SEMA3D: variants seen among roughly 807,000 people sequenced by gnomAD.
The protein encoded by SEMA3D is semaphorin 3D, also known as semaphorin-3D.
SEMA3D carries 84 observed loss-of-function variants against 100.1 expected under a neutral mutation model. The ratio of observed to expected loss-of-function variants is 0.84; its 90% CI spans 0.70 to 1.01. SEMA3D has a LOEUF of 1.01. Ranked by LOEUF, SEMA3D falls within the 50% of genes least tolerant of loss-of-function variation. SEMA3D has a pLI of 0.00. For missense variants in SEMA3D, 875 were observed against 934.1 expected (o/e 0.94, Z 0.82); for synonymous variants, 312 against 320.7 (o/e 0.97, Z 0.29).
At chr7:85,234,682 G>C in the SEMA3D span, among the ~76,000 whole-genome samples, 2 of 152,164 alleles carry the variant, frequency 1.3e-5, no homozygotes, top group Non-Finnish European at 2.9e-5. Flanking sequence ...GATATCCAGT[G>C]TAAAATTAGT....
Position 84,996,308 on chromosome 7 carries a change from A to T in SEMA3D, c.*3132T>A, listed in dbSNP as rs116408097. 4.4e-3 allele frequency: 662 copies of T among 152,150 alleles called. 5 individuals carry two copies. The highest frequency in any genetic ancestry group is 0.015 in the African/African-American group (633 of 41,572). The allele number at this position is 152,150 out of a possible 1,614,324, so 9.4% of individuals were successfully genotyped here. The stretch of plus-strand genomic sequence containing the variant: ...AACAAAACATACTAGAATATGAAGA[A>T]CCAAAATATGAACCAAAAGCAAAAT... On this transcript the variant is annotated 3_prime_UTR_variant, in exon 19 of 19. Transcript: ENST00000284136.
chr7:85,016,223 T>C (rs1790096033), intron 15 of SEMA3D, among the ~76,000 whole-genome samples: 1 of 150,676 alleles, frequency 6.6e-6, no homozygotes. Flanking sequence ...TCATTTCGGA[T>C]TAAGACATTT....
chr7:85,159,981 G>T, intron 1 of SEMA3D: 1 of 983,590 alleles, frequency 1.0e-6, no homozygotes, highest in Non-Finnish European at 1.2e-6. Context: ...TACTCCAGAG[G>T]TATCATATCT....
chr7:84,995,947 T>C lies in SEMA3D; in HGVS notation c.*3493A>G. 6.6e-6 allele frequency: 1 copy of C among 151,912 alleles called. No homozygotes were observed. The highest frequency in any genetic ancestry group is 2.4e-5 in the African/African-American group (1 of 41,418). 9.4% of individuals were successfully genotyped at this position (151,912 alleles called of 1,614,324 possible). A position where few individuals can be genotyped will look rare whatever the true frequency, so the allele number is the denominator to read the frequency against. ...TTGTGATCATTTACTATGATAAAAA[T>C]ACATCTCCTATAAAAACACTTCAAA... On this transcript the variant is annotated 3_prime_UTR_variant, in exon 19 of 19. Transcript: ENST00000284136.
chr7:85,018,437 C>T (rs1326616710), intron 14 of SEMA3D, 144 bp from the exon 15 acceptor site: 9 of 597,480 alleles, frequency 1.5e-5, no homozygotes, highest in Admixed American at 3.2e-5. Context: ...TTATTGTTTG[C>T]TATTTTCTTC....
the SEMA3D span, among the ~76,000 whole-genome samples, chr7:85,249,794 T>G: frequency 3.3e-5 from 5 of 152,158 alleles, no homozygotes; most frequent in African/African-American, 7.2e-5. Context: ...CAGAAAAAAT[T>G]CTCTAAAACT....
intron 18 of SEMA3D, among the ~76,000 whole-genome samples, chr7:85,003,981 A>G (rs2286186): frequency 0.066 from 10,010 of 152,170 alleles, 929 homozygotes; most frequent in East Asian, 0.22. Flanking sequence ...TTTACTTCTA[A>G]GATTTTTTTC....
intron 12 of SEMA3D, chr7:85,029,419 G>A (rs2115900424): frequency 1.2e-6 from 1 of 801,780 alleles, no homozygotes; most frequent in Non-Finnish European, 2.2e-6. Context: ...AACTGCTGAA[G>A]ATGAGAAACT....
chr7:85,037,041 A>T lies in SEMA3D; in HGVS notation c.1047-8T>A. ...GAGCCTTTGAAGATGGAGCTGGAAA[A>T]AAAAAGCATCATCATTCAATCATTC... On this transcript the variant is annotated splice_region_variant and splice_polypyrimidine_tract_variant and intron_variant, in intron 11 of 18. Coordinates refer to ENST00000284136, the MANE Select transcript of SEMA3D (RefSeq NM_001384900.1). 1 of 1,609,958 alleles carries T rather than the reference A, an allele frequency of 6.2e-7. No homozygotes were observed. The highest frequency in any genetic ancestry group is 8.5e-7 in the Non-Finnish European group (1 of 1,178,504).
At chr7:85,148,215 T>C (rs1583967997) in intron 2 of SEMA3D, among the ~76,000 whole-genome samples, 1 of 152,314 alleles carries the variant, frequency 6.6e-6, no homozygotes, top group East Asian at 1.9e-4. Flanking sequence ...TTAATGATGA[T>C]CATTAATTAA....
At position 85,015,194 on chromosome 7, in the gene SEMA3D, C is replaced by A. The variant is rs770195185; in HGVS notation, c.1568G>T (p.Arg523Leu). 3.1e-6 allele frequency: 5 copies of A among 1,609,572 alleles called. No homozygotes were observed. The highest frequency in any genetic ancestry group is 1.7e-5 in the Admixed American group (1 of 59,794). ...CAAGGAGAGCTGAACCAATCCATCT[C>A]GGGAACCAATGTACAATTGTTGCTG... Reference protein sequence around the residue: ...LKQQQLYIGSRDGLVQLSLHR... With the variant: ...LKQQQLYIGSLDGLVQLSLHR... The change falls in exon 16 of 19, where the codon CGA (arginine) becomes CTA (leucine). Residue 523 changes from arginine (R) to leucine (L), a missense_variant. Transcript: ENST00000284136.
rs1562795699 is a variant in SEMA3D at position 85,046,149 on chromosome 7, C to A, written c.862-3864G>T. 2.0e-5 allele frequency among the ~76,000 whole-genome samples: 3 copies of A among 151,890 alleles called. No homozygotes were observed. In the South Asian group the frequency reaches 6.2e-4, roughly 31 times the overall value. The stretch of plus-strand genomic sequence containing the variant: ...GTGAATACATATATAATCAGAATAT[C>A]TGCTTAACGACATTCCTTTAATAGG... On this transcript the variant is annotated intron_variant, in intron 9 of 18. Transcript: ENST00000284136.
chr7:85,185,710 G>T (rs991716820), intron 1 of SEMA3D, among the ~76,000 whole-genome samples: 1 of 152,146 alleles, frequency 6.6e-6, no homozygotes, highest in Non-Finnish European at 1.5e-5. Context: ...GCACTGTGAC[G>T]GAGGCAAAGC....
At chr7:85,074,637 A>T (rs201883196) in intron 5 of SEMA3D, among the ~76,000 whole-genome samples, 3,143 of 131,392 alleles carry the variant, frequency 0.024, 42 homozygotes, top group Non-Finnish European at 0.029. Context: ...ATATATATAT[A>T]TTTTTTTTTT....
intron 1 of SEMA3D, among the ~76,000 whole-genome samples, chr7:85,169,781 T>C (rs1346174606): frequency 6.6e-6 from 1 of 151,744 alleles, no homozygotes; most frequent in East Asian, 1.9e-4. Flanking sequence ...TTTTTTTTCA[T>C]TTGCAGATAC....
At chr7:85,187,960 A>C (rs542361248), upstream of SEMA3D, among the ~76,000 whole-genome samples, 3 of 152,292 alleles carry the variant, frequency 2.0e-5, no homozygotes, top group East Asian at 1.9e-4. Context: ...CTTAGTCCCA[A>C]ACATAAATCT....
intron 12 of SEMA3D, among the ~76,000 whole-genome samples, chr7:85,026,564 C>T (rs1225634765): frequency 2.0e-5 from 3 of 151,994 alleles, no homozygotes; most frequent in South Asian, 4.1e-4. Context: ...TTTCAGTCTC[C>T]TTTGGTAAGA....
chr7:85,207,640 T>C, the SEMA3D span, among the ~76,000 whole-genome samples: 9 of 152,066 alleles, frequency 5.9e-5, no homozygotes, highest in Non-Finnish European at 1.3e-4. Context: ...TCTGTTGCCA[T>C]ATATCTAGAT....
At chr7:85,246,580 A>T in the SEMA3D span, among the ~76,000 whole-genome samples, 2 of 152,064 alleles carry the variant, frequency 1.3e-5, no homozygotes, top group Non-Finnish European at 2.9e-5. Context: ...AAGGAGATAA[A>T]TCATAGTAGA....
Sources: gnomAD v4.1 joint callset for allele counts (sites outside exome capture counted in the v4.1 genomes callset) on GRCh38, gnomAD v4.1.1 for gene constraint, MANE v1.5 for transcripts, NCBI Gene and HGNC (gene_info 2026-07-23, HGNC 2026-07-21) for gene names.